The following OSBPL1A variants were observed in gnomAD, a reference collection of about 807,000 sequenced individuals.
The protein encoded by OSBPL1A is oxysterol-binding protein-related protein 1.
Under a neutral mutation model 137.1 loss-of-function variants are expected in OSBPL1A, and 80 were observed. The observed-to-expected ratio is 0.58, with a 90% CI of 0.49 to 0.70. The LOEUF is 0.70. Ranked by LOEUF, OSBPL1A falls within the 30% of genes least tolerant of loss-of-function variation. OSBPL1A has a pLI of 0.00. For synonymous variants in OSBPL1A, 365 were observed against 389.7 expected, an observed-to-expected ratio of 0.94 and a Z score of 0.75; for missense variants, 970 against 1,129.4, an observed-to-expected ratio of 0.86 and a Z score of 2.02.
rs2087707550 is a variant in OSBPL1A at position 24,216,504 on chromosome 18, C to G, written c.1601+8538G>C. ...CCTTGGCGACAGAGCGAGACTGTGTCTCCAGAAGAAAAAAGAAAAAGGAAA... is the reference window on the plus strand; with the variant it reads ...CCTTGGCGACAGAGCGAGACTGTGTGTCCAGAAGAAAAAAGAAAAAGGAAA... On this transcript the variant is annotated intron_variant, in intron 17 of 27. Transcript: ENST00000319481. 2.0e-5 allele frequency among the ~76,000 whole-genome samples: 3 copies of G among 151,952 alleles called. No individual in the cohort carries two copies. The South Asian group carries it at 6.2e-4, about 31-fold the overall frequency.
rs2086246651 is a variant in OSBPL1A at position 24,170,389 on chromosome 18, T to C, written c.2356A>G (p.Thr786Ala). 3 of 1,614,114 alleles carry C rather than the reference T, an allele frequency of 1.9e-6. No homozygotes were observed. The highest frequency in any genetic ancestry group is 2.5e-6 in the Non-Finnish European group (3 of 1,180,000). ...TCATTTTTTTTGTAAGCGTCAAACGTGGCAGGGTCAACACTGTATAAACAT... is the reference window on the plus strand; with the variant it reads ...TCATTTTTTTTGTAAGCGTCAAACGCGGCAGGGTCAACACTGTATAAACAT... ...TECLYSVDPA[T>A]FDAYKKNDKK... The change falls in exon 24 of 28, where the codon ACG becomes GCG. Residue 786 changes from threonine to alanine, a missense_variant. Thr to Ala is a moderately conservative substitution (Grantham distance 58). This residue lies in a region of OSBPL1A where 323 missense variants were observed against 456.8 expected (regional missense o/e 0.71). Transcript: ENST00000319481.
Position 24,334,585 on chromosome 18 carries a change from T to C in OSBPL1A, c.395-255A>G, listed in dbSNP as rs541442185. ...TAACAATAACCATCAAAACTAATTA[T>C]GGATTACTTTTATGTACCGAAACAC... On this transcript the variant is annotated intron_variant, in intron 5 of 27. Coordinates refer to ENST00000319481, the MANE Select transcript of OSBPL1A (RefSeq NM_080597.4). 2.0e-5 allele frequency among the ~76,000 whole-genome samples: 3 copies of C among 152,336 alleles called. No homozygotes were observed. In the South Asian group the frequency reaches 6.2e-4, roughly 32 times the overall value.
At chr18:24,180,360 C>T (rs1326736881) in intron 19 of OSBPL1A, among the ~76,000 whole-genome samples, 1 of 152,114 alleles carries the variant, frequency 6.6e-6, no homozygotes, top group African/African-American at 2.4e-5. Flanking sequence ...ATACAATCTT[C>T]CATCTAAAAC....
At chr18:24,163,412 C>G (rs1361568748) in intron 27 of OSBPL1A, 131 bp from the exon 28 acceptor site, 2 of 602,928 alleles carry the variant, frequency 3.3e-6, no homozygotes, top group Non-Finnish European at 5.7e-6. Context: ...TAAAGAGATG[C>G]TGAAGTGATG....
chr18:24,317,659 T>C (rs968403673), intron 9 of OSBPL1A, among the ~76,000 whole-genome samples: 1 of 152,180 alleles, frequency 6.6e-6, no homozygotes, highest in African/African-American at 2.4e-5. Flanking sequence ...ACAAAACTGT[T>C]CAGGGATTAT....
chr18:24,355,754 G>C (rs2091522593), intron 4 of OSBPL1A, among the ~76,000 whole-genome samples: 1 of 151,972 alleles, frequency 6.6e-6, no homozygotes, highest in Non-Finnish European at 1.5e-5. Context: ...GAAGGCCAAG[G>C]CAGGCAGATC....
intron 5 of OSBPL1A, among the ~76,000 whole-genome samples, chr18:24,334,943 G>A: frequency 6.6e-6 from 1 of 152,148 alleles, no homozygotes; most frequent in East Asian, 1.9e-4. Context: ...AGGCTGGAGT[G>A]CAGTGGCACA....
intron 17 of OSBPL1A, among the ~76,000 whole-genome samples, chr18:24,205,596 C>T (rs2087345111): frequency 6.6e-6 from 1 of 152,014 alleles, no homozygotes; most frequent in Admixed American, 6.6e-5. Context: ...AGGTAGAAAA[C>T]CTTCAACATG....
intron 23 of OSBPL1A, 194 bp from the exon 24 acceptor site, chr18:24,170,647 C>G: frequency 1.7e-6 from 1 of 578,996 alleles, no homozygotes; most frequent in Non-Finnish European, 3.1e-6. Context: ...TTGAATATTA[C>G]TATAAAGGTG....
intron 12 of OSBPL1A, among the ~76,000 whole-genome samples, chr18:24,312,368 A>G (rs1232016405): frequency 6.6e-6 from 1 of 152,250 alleles, no homozygotes; most frequent in East Asian, 1.9e-4. Context: ...AACACATTAC[A>G]GAAATTAAAT....
chr18:24,374,477 G>A (rs1320346487), intron 2 of OSBPL1A, among the ~76,000 whole-genome samples: 1 of 152,156 alleles, frequency 6.6e-6, no homozygotes, highest in Admixed American at 6.5e-5. Flanking sequence ...TAGAGAACAG[G>A]CAAGCTGCTT....
chr18:24,175,188 T>C (rs1341733132), intron 21 of OSBPL1A, among the ~76,000 whole-genome samples: 2 of 147,376 alleles, frequency 1.4e-5, no homozygotes, highest in African/African-American at 5.2e-5. Flanking sequence ...TGTTCTTTTT[T>C]GTTGTTGTTG....
chr18:24,231,689 T>A (rs1401884233), intron 16 of OSBPL1A, among the ~76,000 whole-genome samples: 1 of 152,232 alleles, frequency 6.6e-6, no homozygotes, highest in African/African-American at 2.4e-5. Flanking sequence ...TGGAAGCCAA[T>A]GAATGGCTAT....
At chr18:24,345,511 A>G (rs1282446095) in intron 4 of OSBPL1A, among the ~76,000 whole-genome samples, 1 of 151,988 alleles carries the variant, frequency 6.6e-6, no homozygotes, top group East Asian at 1.9e-4. Context: ...ACATGGCGAA[A>G]CCCGTCTCTA....
intron 5 of OSBPL1A, among the ~76,000 whole-genome samples, chr18:24,337,364 TA>T (rs2091191654): frequency 4.2e-5 from 4 of 95,534 alleles, no homozygotes; most frequent in Admixed American, 3.8e-4. Flanking sequence ...ATACATAATA[TA>T]AACATAACAT....
chr18:24,345,723 A>G (rs985441854), intron 4 of OSBPL1A, among the ~76,000 whole-genome samples: 1 of 152,070 alleles, frequency 6.6e-6, no homozygotes, highest in Non-Finnish European at 1.5e-5. Flanking sequence ...ATGTAGATAT[A>G]TTTTAATTTT....
At position 24,217,593 on chromosome 18, in the gene OSBPL1A, TAGA is replaced by T. The variant is rs140785588; in HGVS notation, c.1601+7446_1601+7448del. On this transcript the variant is annotated intron_variant, in intron 17 of 27. Transcript: ENST00000319481. ...TTTATAGATTTTCAGCTAATAAATG[TAGA>T]AGGAGTGACAGAATTGAAAGACTAC... Among the ~76,000 whole-genome samples the T allele has an allele frequency of 3.4e-3, 516 of 152,178 alleles. 9 individuals carry two copies. In the East Asian group the frequency reaches 0.061, roughly 18 times the overall value.
At chr18:24,227,576 G>C (rs184880369) in intron 16 of OSBPL1A, among the ~76,000 whole-genome samples, 21 of 152,292 alleles carry the variant, frequency 1.4e-4, no homozygotes, top group Non-Finnish European at 2.9e-4. Context: ...AAAGAGATCA[G>C]TTAGTTTTCT....
At chr18:24,332,823 TA>T in intron 7 of OSBPL1A, 118 bp downstream of exon 7, 1 of 1,260,260 alleles carries the variant, frequency 7.9e-7, no homozygotes, top group Non-Finnish European at 1.1e-6. Flanking sequence ...GCTCCAAAAT[TA>T]AATAGAAACC....
Sources: gnomAD v4.1 joint callset for allele counts (sites outside exome capture counted in the v4.1 genomes callset) on GRCh38, gnomAD v4.1.1 for gene constraint, gnomAD v4.1.1 regional missense constraint, MANE v1.5 for transcripts, NCBI Gene and HGNC (gene_info 2026-07-23, HGNC 2026-07-21) for gene names.